The following HEMK2 variants were observed in gnomAD, a reference collection of about 807,000 sequenced individuals.
HEMK2 encodes the protein methyltransferase HEMK2.
At chr21:28,775,858 A>C in the HEMK2 span, among the ~76,000 whole-genome samples, 2 of 152,164 alleles carry the variant, frequency 1.3e-5, no homozygotes, top group African/African-American at 2.4e-5. Context: ...TTTAAGAGAA[A>C]ATAAATTAGA....
At chr21:28,646,334 C>G in the HEMK2 span, among the ~76,000 whole-genome samples, 2 of 152,234 alleles carry the variant, frequency 1.3e-5, no homozygotes, top group Admixed American at 6.5e-5. Flanking sequence ...GGACACCATG[C>G]CCTATCCCTG....
At chr21:28,689,823 C>CT in the HEMK2 span, among the ~76,000 whole-genome samples, 26 of 152,156 alleles carry the variant, frequency 1.7e-4, no homozygotes, top group Non-Finnish European at 3.4e-4. Flanking sequence ...AAGGAGAACT[C>CT]TGAGAGATTC....
At chr21:28,803,088 A>C in the HEMK2 span, among the ~76,000 whole-genome samples, 3 of 152,212 alleles carry the variant, frequency 2.0e-5, no homozygotes, top group African/African-American at 7.2e-5. Flanking sequence ...GGTTGCACAC[A>C]ACTGTACTCA....
chr21:28,615,180 G>A, the HEMK2 span, among the ~76,000 whole-genome samples: 4 of 152,114 alleles, frequency 2.6e-5, no homozygotes, highest in Non-Finnish European at 5.9e-5. Flanking sequence ...ATGATTCTTA[G>A]AAAGATCTGT....
At chr21:28,774,366 A>T in the HEMK2 span, among the ~76,000 whole-genome samples, 2 of 152,088 alleles carry the variant, frequency 1.3e-5, no homozygotes, top group African/African-American at 2.4e-5. Context: ...AGGTGGGAGG[A>T]TCACTGAGGC....
the HEMK2 span, among the ~76,000 whole-genome samples, chr21:28,868,317 T>C: frequency 6.6e-6 from 1 of 152,206 alleles, no homozygotes; most frequent in Non-Finnish European, 1.5e-5. Context: ...ATAGGAACAA[T>C]TGGTATCTTT....
the HEMK2 span, among the ~76,000 whole-genome samples, chr21:28,654,595 G>A: frequency 1.3e-5 from 2 of 151,814 alleles, no homozygotes; most frequent in Non-Finnish European, 2.9e-5. Flanking sequence ...CTACTGTCTC[G>A]AAAAAAATAA....
the HEMK2 span, among the ~76,000 whole-genome samples, chr21:28,657,615 C>A: frequency 6.6e-6 from 1 of 152,074 alleles, no homozygotes; most frequent in East Asian, 1.9e-4. Context: ...GAAGTCAGAA[C>A]ACTTGAGATT....
chr21:28,758,461 A>T, the HEMK2 span, among the ~76,000 whole-genome samples: 3 of 152,186 alleles, frequency 2.0e-5, no homozygotes, highest in Non-Finnish European at 4.4e-5. Flanking sequence ...ACACTAACTC[A>T]TCCATCGCAG....
the HEMK2 span, among the ~76,000 whole-genome samples, chr21:28,865,874 C>T: frequency 6.6e-6 from 1 of 152,056 alleles, no homozygotes; most frequent in Non-Finnish European, 1.5e-5. Flanking sequence ...GCCACATATC[C>T]CCACTGTTTC....
At chr21:28,859,886 TTTAA>T in the HEMK2 span, among the ~76,000 whole-genome samples, 1 of 152,216 alleles carries the variant, frequency 6.6e-6, no homozygotes, top group South Asian at 2.1e-4. Context: ...AATATTTGTC[TTTAA>T]TTAGTGAATA....
At chr21:28,589,970 C>T in the HEMK2 span, among the ~76,000 whole-genome samples, 6 of 152,246 alleles carry the variant, frequency 3.9e-5, no homozygotes, top group South Asian at 2.1e-4. Context: ...CCTTCAGCTG[C>T]GATATATCTT....
the HEMK2 span, among the ~76,000 whole-genome samples, chr21:28,731,275 CT>C: frequency 6.6e-6 from 1 of 152,242 alleles, no homozygotes; most frequent in East Asian, 1.9e-4. Flanking sequence ...GCTTATAGAG[CT>C]TGAGTAACCC....
the HEMK2 span, among the ~76,000 whole-genome samples, chr21:28,836,351 C>T: frequency 6.6e-6 from 1 of 152,210 alleles, no homozygotes; most frequent in East Asian, 1.9e-4. Flanking sequence ...TCAAACAAAA[C>T]AATTATTAGC....
the HEMK2 span, among the ~76,000 whole-genome samples, chr21:28,584,659 A>G: frequency 6.6e-6 from 1 of 152,154 alleles, no homozygotes; most frequent in Admixed American, 6.5e-5. Flanking sequence ...GGCCTGGTGG[A>G]ATGGTGATCA....
the HEMK2 span, among the ~76,000 whole-genome samples, chr21:28,770,968 T>C: frequency 6.6e-5 from 10 of 151,338 alleles, no homozygotes; most frequent in African/African-American, 2.4e-4. Flanking sequence ...CTCTCTTCCT[T>C]ATTCTAGCCA....
the HEMK2 span, among the ~76,000 whole-genome samples, chr21:28,659,154 G>C: frequency 6.6e-6 from 1 of 152,000 alleles, no homozygotes; most frequent in African/African-American, 2.4e-5. Flanking sequence ...CTCCATATCT[G>C]TCTGATAAAC....
At chr21:28,654,874 T>G in the HEMK2 span, among the ~76,000 whole-genome samples, 1 of 152,118 alleles carries the variant, frequency 6.6e-6, no homozygotes, top group African/African-American at 2.4e-5. Flanking sequence ...TACAAAATGC[T>G]GGATATAAAA....
the HEMK2 span, among the ~76,000 whole-genome samples, chr21:28,751,909 G>A: frequency 6.6e-6 from 1 of 152,024 alleles, no homozygotes; most frequent in Non-Finnish European, 1.5e-5. Flanking sequence ...ACCCGCCTCA[G>A]CCTCCCAAAG....
Sources: allele counts gnomAD v4.1 joint callset (sites outside exome capture counted in the v4.1 genomes callset), GRCh38; gene constraint gnomAD v4.1.1; transcripts MANE v1.5; gene names NCBI Gene and HGNC (gene_info 2026-07-23, HGNC 2026-07-21).